PIGL: variants seen among roughly 807,000 people sequenced by gnomAD.
The protein encoded by PIGL is N-acetylglucosaminyl-phosphatidylinositol de-N-acetylase.
Under a neutral mutation model 31.1 loss-of-function variants are expected in PIGL, and 22 were observed. That is an observed-to-expected ratio of 0.71 (90% CI 0.51 to 1.01). The LOEUF is 1.01. PIGL is among the 50% of genes least tolerant of loss of function. PIGL has a pLI of 0.00. For synonymous variants in PIGL, 131 were observed against 117.4 expected, an observed-to-expected ratio of 1.12 and a Z score of -0.75; for missense variants, 302 against 315.9, an observed-to-expected ratio of 0.96 and a Z score of 0.33.
chr17:16,289,684 G>T (rs1401708709), intron 2 of PIGL, among the ~76,000 whole-genome samples: 1 of 152,218 alleles, frequency 6.6e-6, no homozygotes, highest in Non-Finnish European at 1.5e-5. Context: ...GTCATAAGTA[G>T]CAAGGGAATT....
intron 4 of PIGL, among the ~76,000 whole-genome samples, chr17:16,315,321 G>A (rs894618253): frequency 1.3e-5 from 2 of 152,170 alleles, no homozygotes; most frequent in South Asian, 4.1e-4. Flanking sequence ...TTAGACTCAC[G>A]TTAGTCCTCA....
chr17:16,293,764 T>G (rs560484130), intron 2 of PIGL, among the ~76,000 whole-genome samples: 1 of 152,166 alleles, frequency 6.6e-6, no homozygotes, highest in East Asian at 1.9e-4. Context: ...ACCTAAGAAA[T>G]AGAAGAATAA....
At chr17:16,306,302 A>G (rs1465799260) in intron 3 of PIGL, among the ~76,000 whole-genome samples, 3 of 152,134 alleles carry the variant, frequency 2.0e-5, no homozygotes, top group African/African-American at 7.2e-5. Context: ...CAAGGAAAGT[A>G]GAGCTGGCAT....
At chr17:16,229,901 C>T (rs1421343383) in intron 1 of PIGL, among the ~76,000 whole-genome samples, 3 of 113,148 alleles carry the variant, frequency 2.7e-5, no homozygotes, top group African/African-American at 1.0e-4. Context: ...CTCGCTCTGT[C>T]ACCAGGCTGG....
intron 3 of PIGL, among the ~76,000 whole-genome samples, chr17:16,300,774 G>A (rs2093001350): frequency 6.6e-6 from 1 of 152,164 alleles, no homozygotes; most frequent in Non-Finnish European, 1.5e-5. Context: ...ACAAGTGGTG[G>A]TGAAGCCAGG....
At chr17:16,310,963 T>C (rs1180761882) in intron 3 of PIGL, among the ~76,000 whole-genome samples, 2 of 152,200 alleles carry the variant, frequency 1.3e-5, no homozygotes, top group Non-Finnish European at 2.9e-5. Flanking sequence ...CTGAACTTCC[T>C]CAGGTGTAAG....
At chr17:16,223,394 C>T (rs760711043) in intron 1 of PIGL, among the ~76,000 whole-genome samples, 181 of 151,616 alleles carry the variant, frequency 1.2e-3, no homozygotes, top group Non-Finnish European at 2.1e-3. Context: ...CTGGCAAACA[C>T]GGCGAAACCC....
rs550114870 is a variant in PIGL, at chr17:16,284,901, G to A, written c.336-14987G>A. On this transcript the variant is annotated intron_variant, in intron 2 of 6. Coordinates refer to ENST00000225609, the MANE Select transcript of PIGL (RefSeq NM_004278.4). ...TTACTCTTTCTCTATTGCAATTCCCGTGTATTGATAAATCGACTCTGTCTA... is the reference window on the plus strand; with the variant it reads ...TTACTCTTTCTCTATTGCAATTCCCATGTATTGATAAATCGACTCTGTCTA... Among the ~76,000 whole-genome samples the A allele has an allele frequency of 3.3e-5, 5 of 152,254 alleles. No individual in the cohort carries two copies. In the East Asian group the frequency reaches 5.8e-4, roughly 18 times the overall value.
At chr17:16,316,855 C>G (rs758697358) in intron 5 of PIGL, 143 bp downstream of exon 5, 3 of 1,467,098 alleles carry the variant, frequency 2.0e-6, no homozygotes, top group Non-Finnish European at 2.7e-6. Flanking sequence ...CTTCCTGACT[C>G]ACCTCAAGGT....
chr17:16,274,747 A>C (rs2092887080), intron 2 of PIGL, among the ~76,000 whole-genome samples: 1 of 148,296 alleles, frequency 6.7e-6, no homozygotes, highest in Admixed American at 6.8e-5. Context: ...AAGTAAAGGG[A>C]TAGGCCGGGC....
At chr17:16,261,243 C>T (rs8073259) in intron 2 of PIGL, among the ~76,000 whole-genome samples, 65,198 of 151,822 alleles carry the variant, frequency 0.43, 14,966 homozygotes, top group East Asian at 0.79. Flanking sequence ...CAGGCTGTTG[C>T]GTTGCCTGCT....
chr17:16,271,751 C>A (rs1052573918), intron 2 of PIGL, among the ~76,000 whole-genome samples: 18 of 152,110 alleles, frequency 1.2e-4, no homozygotes, highest in African/African-American at 3.1e-4. Context: ...AGGCTGGTCT[C>A]AAACTCCTGA....
At chr17:16,266,984 A>G (rs556841992) in intron 2 of PIGL, among the ~76,000 whole-genome samples, 1 of 151,370 alleles carries the variant, frequency 6.6e-6, no homozygotes, top group Admixed American at 6.6e-5. Flanking sequence ...GCACCATCCC[A>G]GCAATTCCTT....
intron 6 of PIGL, among the ~76,000 whole-genome samples, chr17:16,322,736 T>G (rs2093111274): frequency 6.6e-6 from 1 of 152,224 alleles, no homozygotes; most frequent in African/African-American, 2.4e-5. Flanking sequence ...TCGTGGACAC[T>G]CGCAGAGGGG....
chr17:16,288,570 G>A (rs865922316), intron 2 of PIGL, among the ~76,000 whole-genome samples: 16 of 144,712 alleles, frequency 1.1e-4, no homozygotes, highest in South Asian at 8.7e-4. Context: ...CCGGAGTTTC[G>A]CTCTTGTTGC....
intron 2 of PIGL, among the ~76,000 whole-genome samples, chr17:16,276,317 CCA>C (rs1251134343): frequency 3.9e-5 from 6 of 152,166 alleles, no homozygotes; most frequent in Non-Finnish European, 8.8e-5. Flanking sequence ...GAATATTGAT[CCA>C]GATTTTTACA....
intron 1 of PIGL, among the ~76,000 whole-genome samples, chr17:16,220,967 T>C (rs2092626160): frequency 6.6e-6 from 1 of 152,182 alleles, no homozygotes; most frequent in Non-Finnish European, 1.5e-5. Flanking sequence ...GGTCTTGTTC[T>C]GTCTAGAGCC....
At chr17:16,256,112 T>C (rs993394878) in intron 2 of PIGL, among the ~76,000 whole-genome samples, 1 of 152,182 alleles carries the variant, frequency 6.6e-6, no homozygotes, top group African/African-American at 2.4e-5. Flanking sequence ...TGGAAAAGGT[T>C]TGCAAATACC....
intron 3 of PIGL, among the ~76,000 whole-genome samples, chr17:16,302,491 G>A (rs889403490): frequency 3.9e-5 from 6 of 152,156 alleles, no homozygotes; most frequent in African/African-American, 1.4e-4. Flanking sequence ...CATTTTCCAT[G>A]CTAGTGCCTT....
Sources: gnomAD v4.1 joint callset for allele counts (sites outside exome capture counted in the v4.1 genomes callset) on GRCh38, gnomAD v4.1.1 for gene constraint, MANE v1.5 for transcripts, NCBI Gene and HGNC (gene_info 2026-07-23, HGNC 2026-07-21) for gene names.